The following FAM149B1 variants were observed in gnomAD, a reference collection of about 807,000 sequenced individuals.
FAM149B1 encodes primary cilium assembly protein FAM149B1.
In FAM149B1, 56 loss-of-function variants were observed where a neutral mutation model predicts 75.3. The observed-to-expected ratio is 0.74, with a 90% CI of 0.60 to 0.93. The LOEUF (loss-of-function observed/expected upper bound fraction) is 0.93. FAM149B1 is among the 40% of genes least tolerant of loss of function. The pLI is 0.00. For synonymous variants in FAM149B1, 259 were observed against 256.1 expected (o/e 1.01, Z -0.11); for missense variants, 639 against 708.4 (o/e 0.90, Z 1.11).
rs55812252 is a variant in FAM149B1, at chr10:73,240,714, CAAAAA to C, written c.1676-221_1676-217del. Reference sequence around the variant, plus strand: ...GGGGGACAGAGTGAGACTCCACCTCCAAAAAAAAAAAAAAACCTCAGGTATAACTT... The same window carrying C: ...GGGGGACAGAGTGAGACTCCACCTCCAAAAAAAAAACCTCAGGTATAACTT... On this transcript the variant is annotated intron_variant, in intron 13 of 13. Transcript: ENST00000242505. Among the ~76,000 whole-genome samples, 3 of 106,920 alleles carry C rather than the reference CAAAAA, an allele frequency of 2.8e-5. No homozygotes were observed. In the Admixed American group the frequency reaches 2.9e-4, roughly 10 times the overall value. 70.1% of individuals were successfully genotyped at this position (106,920 alleles called of 152,430 possible).
intron 3 of FAM149B1, among the ~76,000 whole-genome samples, chr10:73,188,612 C>T (rs998672387): frequency 1.3e-5 from 2 of 151,990 alleles, no homozygotes; most frequent in African/African-American, 4.8e-5. Context: ...ATCCCAGCTA[C>T]TCTGGAGGCT....
At chr10:73,223,281 T>G (rs1000314785) in intron 7 of FAM149B1, among the ~76,000 whole-genome samples, 5 of 152,180 alleles carry the variant, frequency 3.3e-5, no homozygotes, top group African/African-American at 1.2e-4. Flanking sequence ...ATTTTGCCTG[T>G]TTTAAAATTT....
chr10:73,177,850 T>C lies in FAM149B1; in HGVS notation c.157T>C (p.Ser53Pro), dbSNP rs1277538021. 6.5e-7 allele frequency: 1 copy of C among 1,546,958 alleles called. No homozygotes were observed. The highest frequency in any genetic ancestry group is 8.7e-7 in the Non-Finnish European group (1 of 1,146,528). The change falls in exon 3 of 14, where the codon TCT (serine) becomes CCT (proline). Residue 53 changes from serine (S) to proline (P), a missense_variant. Ser to Pro is a moderately conservative substitution (Grantham distance 74). Coordinates refer to ENST00000242505, the MANE Select transcript of FAM149B1 (RefSeq NM_173348.2). ...CCTCCCAAATTGTGCCTTTAGCAAG[T>C]CTGACATCACAAGAGAATCATCTTT... The part of the protein sequence containing the change: ...HEKDTSSQSK[S>P]DITRESSFTS...
chr10:73,207,572 GA>G (rs954535007), intron 5 of FAM149B1, among the ~76,000 whole-genome samples: 3 of 148,882 alleles, frequency 2.0e-5, no homozygotes, highest in African/African-American at 7.4e-5. Flanking sequence ...TCTCAAAAAA[GA>G]AAAAAAAGAA....
At chr10:73,234,560 T>C in intron 10 of FAM149B1, 1 of 428,842 alleles carries the variant, frequency 2.3e-6, no homozygotes, top group Non-Finnish European at 4.2e-6. Context: ...AAATGTTTTA[T>C]TCCAGTTCTG....
At chr10:73,214,723 T>G (rs2043258778) in intron 7 of FAM149B1, among the ~76,000 whole-genome samples, 1 of 152,228 alleles carries the variant, frequency 6.6e-6, no homozygotes, top group African/African-American at 2.4e-5. Context: ...TTGAGGGTTC[T>G]TGTCCATATG....
chr10:73,178,118 G>A, intron 3 of FAM149B1, 143 bp downstream of exon 3: 1 of 881,346 alleles, frequency 1.1e-6, no homozygotes, highest in South Asian at 2.1e-5. Context: ...AGAAGTATCA[G>A]TCCTCATCTT....
At chr10:73,191,507 T>A (rs975007826) in intron 3 of FAM149B1, among the ~76,000 whole-genome samples, 1 of 152,104 alleles carries the variant, frequency 6.6e-6, no homozygotes, top group African/African-American at 2.4e-5. Flanking sequence ...CAGCTAATTT[T>A]TTTTATTTTT....
At chr10:73,170,116 T>C (rs1216925636) in intron 1 of FAM149B1, among the ~76,000 whole-genome samples, 1 of 152,220 alleles carries the variant, frequency 6.6e-6, no homozygotes, top group Non-Finnish European at 1.5e-5. Flanking sequence ...CTTGGGTTTC[T>C]GGCTAGGCTG....
chr10:73,228,156 C>T lies in FAM149B1; in HGVS notation c.995C>T (p.Ser332Phe). 5 of 1,551,566 alleles carry T rather than the reference C, an allele frequency of 3.2e-6. No individual in the cohort carries two copies. The highest frequency in any genetic ancestry group is 4.4e-6 in the Non-Finnish European group (5 of 1,146,920). ...TTGGTGTTACCGCGAGTGCCACAGT[C>T]TAAGGTGCTGTACATTACCTCAAAT... ...HPLVLPRVPQ[S>F]KVLYITSNPM... Residue 332 changes from serine (S) to phenylalanine (F), a missense_variant, in exon 8 of 14, where the codon TCT becomes TTT. Transcript: ENST00000242505.
At chr10:73,220,726 A>C (rs925748344) in intron 7 of FAM149B1, among the ~76,000 whole-genome samples, 3 of 152,176 alleles carry the variant, frequency 2.0e-5, no homozygotes, top group Non-Finnish European at 2.9e-5. Flanking sequence ...AGGAAGGGAC[A>C]GCGGAGATCT....
At chr10:73,195,527 C>T (rs1296004889) in intron 5 of FAM149B1, among the ~76,000 whole-genome samples, 5 of 152,122 alleles carry the variant, frequency 3.3e-5, no homozygotes, top group African/African-American at 9.7e-5. Flanking sequence ...TAGGATATAT[C>T]GACCTAATCT....
chr10:73,243,252 T>C lies in FAM149B1; in HGVS notation c.*2233T>C. 1.3e-6 allele frequency: 1 copy of C among 789,892 alleles called. No individual in the cohort carries two copies. 48.9% of individuals were successfully genotyped at this position (789,892 alleles called of 1,614,324 possible). On this transcript the variant is annotated 3_prime_UTR_variant, in exon 14 of 14. Transcript: ENST00000242505. ...AAATACTAAGATCAGGTTGAGAGAT[T>C]CTGCTTGGTCTAGTCAATCTGAAAA... is the stretch of plus-strand genomic sequence containing the variant.
chr10:73,185,801 T>C (rs2042508306), intron 3 of FAM149B1, among the ~76,000 whole-genome samples: 1 of 152,172 alleles, frequency 6.6e-6, no homozygotes, highest in Non-Finnish European at 1.5e-5. Flanking sequence ...TTAGAACTGA[T>C]ATATGAATTT....
intron 7 of FAM149B1, among the ~76,000 whole-genome samples, chr10:73,222,124 C>T (rs958193008): frequency 2.6e-5 from 4 of 152,106 alleles, no homozygotes; most frequent in African/African-American, 9.7e-5. Context: ...GATTAGATTT[C>T]ATACATTGTG....
chr10:73,237,877 C>T (rs570734377), intron 12 of FAM149B1, among the ~76,000 whole-genome samples: 70 of 152,330 alleles, frequency 4.6e-4, no homozygotes, highest in Admixed American at 2.7e-3. Context: ...GTGTGCACCT[C>T]TGCACCTGGC....
chr10:73,225,855 C>G (rs1356379948), intron 7 of FAM149B1, among the ~76,000 whole-genome samples: 1 of 152,144 alleles, frequency 6.6e-6, no homozygotes, highest in Non-Finnish European at 1.5e-5. Context: ...TATACAAATG[C>G]TAACCATTGT....
At chr10:73,207,006 A>G (rs6480681) in intron 5 of FAM149B1, among the ~76,000 whole-genome samples, 92 of 152,336 alleles carry the variant, frequency 6.0e-4, no homozygotes, top group Middle Eastern at 3.4e-3. Flanking sequence ...GTGGGCACAC[A>G]GAGGGCAAAG....
chr10:73,239,046 T>G (rs2043886070), intron 12 of FAM149B1: 1 of 350,802 alleles, frequency 2.9e-6, no homozygotes, highest in African/African-American at 2.1e-5. Context: ...TTAAACCATA[T>G]GGATTATTTA....
Sources: gnomAD v4.1 joint callset for allele counts (sites outside exome capture counted in the v4.1 genomes callset) on GRCh38, gnomAD v4.1.1 for gene constraint, MANE v1.5 for transcripts, NCBI Gene and HGNC (gene_info 2026-07-23, HGNC 2026-07-21) for gene names.